Variants in GEMIN5 observed in about 807,000 individuals in gnomAD.
GEMIN5 encodes gem nuclear organelle associated protein 5, also known as gem-associated protein 5.
Under a neutral mutation model 176.9 loss-of-function variants are expected in GEMIN5, and 124 were observed. The observed-to-expected ratio is 0.70, with a 90% CI of 0.61 to 0.81. The LOEUF (loss-of-function observed/expected upper bound fraction) is 0.81. GEMIN5 is among the 40% of genes least tolerant of loss of function. The probability of loss-of-function intolerance (pLI) is 0.00; values close to 1 mark genes in which losing one functional copy is unlikely to be tolerated. For synonymous variants in GEMIN5, 673 were observed against 665.2 expected, an observed-to-expected ratio of 1.01 and a Z score of -0.18; for missense variants, 1,843 against 1,814.6, an observed-to-expected ratio of 1.02 and a Z score of -0.28.
chr5:154,936,014 T>A lies in GEMIN5; in HGVS notation c.336A>T (p.Ile112=), dbSNP rs1220871600. ...CTCGAGGAGACCAATGTAATGTTGATATCGTATGCTTTAAAACAAAACAAA... is the reference window on the plus strand; with the variant it reads ...CTCGAGGAGACCAATGTAATGTTGAAATCGTATGCTTTAAAACAAAACAAA... The part of the protein sequence containing the change: ...VTEHALHQHT[I]STLHWSPRVK... Residue 112 remains isoleucine (I), a synonymous_variant, in exon 3 of 28, where the codon ATA becomes ATT. Transcript: ENST00000285873. 4 of 1,585,584 alleles carry A rather than the reference T, an allele frequency of 2.5e-6. No homozygotes were observed. The East Asian group carries it at 8.9e-5, about 35-fold the overall frequency.
chr5:154,912,091 C>G (rs1479585936), intron 14 of GEMIN5, among the ~76,000 whole-genome samples, 193 bp from the exon 15 acceptor site: 1 of 152,170 alleles, frequency 6.6e-6, no homozygotes, highest in East Asian at 1.9e-4. Flanking sequence ...GACTTCTGTG[C>G]TTGGAGATGC....
chr5:154,902,996 G>A (rs760029306), intron 19 of GEMIN5, 84 bp downstream of exon 19: 2 of 903,526 alleles, frequency 2.2e-6, no homozygotes, highest in Non-Finnish European at 3.5e-6. Context: ...TAATATCACA[G>A]GATGACAGCC....
intron 9 of GEMIN5, among the ~76,000 whole-genome samples, chr5:154,921,637 T>A (rs1445679388): frequency 6.6e-6 from 1 of 152,178 alleles, no homozygotes; most frequent in African/African-American, 2.4e-5. Context: ...AAATATCAAA[T>A]AATGACATTT....
Position 154,891,358 on chromosome 5 carries a change from G to A in GEMIN5, c.4145C>T (p.Ala1382Val), listed in dbSNP as rs1467488205. ...RTVAEVQETLAEMIRQHQKSQ... is the reference protein window; with the variant it reads ...RTVAEVQETLVEMIRQHQKSQ... ...CTTTTGGTGTTGTCGGATCATTTCT[G>A]CCAAGGTCTCTTGGACTTCAGCAAC... The change falls in exon 26 of 28, where the codon GCA (alanine) becomes GTA (valine). Residue 1382 changes from alanine (A) to valine (V), a missense_variant. By Grantham distance (64) the Ala-to-Val change is moderately conservative. Coordinates refer to ENST00000285873, the MANE Select transcript of GEMIN5 (RefSeq NM_015465.5). The A allele has an allele frequency of 6.2e-7, 1 of 1,614,120 alleles. No individual in the cohort carries two copies. The highest frequency in any genetic ancestry group is 8.5e-7 in the Non-Finnish European group (1 of 1,180,016).
intron 12 of GEMIN5, 130 bp from the exon 13 acceptor site, chr5:154,917,309 G>A: frequency 2.3e-6 from 1 of 440,222 alleles, no homozygotes. Flanking sequence ...TTCTATCACT[G>A]CAAAGGTCAT....
chr5:154,908,004 TA>T (rs1373571428), intron 15 of GEMIN5, among the ~76,000 whole-genome samples, 186 bp from the exon 16 acceptor site: 1 of 152,064 alleles, frequency 6.6e-6, no homozygotes, highest in African/African-American at 2.4e-5. Flanking sequence ...CATTAAATCA[TA>T]AACATGATGC....
At chr5:154,889,893 C>T (rs1763188656) in intron 26 of GEMIN5, among the ~76,000 whole-genome samples, 2 of 152,300 alleles carry the variant, frequency 1.3e-5, no homozygotes, top group South Asian at 4.1e-4. Flanking sequence ...AGGTTGCTCC[C>T]GTGTTTTGGG....
chr5:154,928,578 G>C lies in GEMIN5; in HGVS notation c.863C>G (p.Thr288Arg), dbSNP rs146236849. The stretch of plus-strand genomic sequence containing the variant: ...TGGTTGATTGCTGGGCCAATGGAGT[G>C]TCAACCAAAGGCGCTCTTTAACAGT... ...DPTVKERLWL[T>R]LHWPSNQPTQ... The change falls in exon 6 of 28, where the codon ACA becomes AGA. Residue 288 changes from threonine to arginine, a missense_variant. Thr to Arg is a moderately conservative substitution (Grantham distance 71). Coordinates refer to ENST00000285873, the MANE Select transcript of GEMIN5 (RefSeq NM_015465.5). The C allele has an allele frequency of 6.2e-7, 1 of 1,613,874 alleles. No homozygotes were observed. The highest frequency in any genetic ancestry group is 8.5e-7 in the Non-Finnish European group (1 of 1,179,720).
Position 154,928,527 on chromosome 5 carries a change from C to T in GEMIN5, c.914G>A (p.Gly305Glu), listed in dbSNP as rs1764091773. 6.2e-7 allele frequency: 1 copy of T among 1,613,622 alleles called. No individual in the cohort carries two copies. The highest frequency in any genetic ancestry group is 1.3e-5 in the African/African-American group (1 of 74,884). ...QPTQLVSSCF[G>E]GELLQWDLTQ... ...GAAAGCATGACCAAAAAAGACTTAC[C>T]CAAAACAGCTAGATACCAGCTGTGT... is the stretch of plus-strand genomic sequence containing the variant. The change falls in exon 6 of 28, where the codon GGA becomes GAA. Residue 305 changes from glycine to glutamate, a missense_variant and splice_region_variant. Gly to Glu is a moderately conservative substitution (Grantham distance 98). Coordinates refer to ENST00000285873, the MANE Select transcript of GEMIN5 (RefSeq NM_015465.5).
chr5:154,937,505 A>G (rs1764294366), intron 1 of GEMIN5, among the ~76,000 whole-genome samples: 1 of 152,230 alleles, frequency 6.6e-6, no homozygotes, highest in South Asian at 2.1e-4. Context: ...AGAATAAATC[A>G]CCTGGCATGT....
intron 26 of GEMIN5, among the ~76,000 whole-genome samples, chr5:154,889,980 C>T (rs1763190346): frequency 6.6e-6 from 1 of 152,152 alleles, no homozygotes; most frequent in Non-Finnish European, 1.5e-5. Context: ...GGGTGTATAC[C>T]CAGATGTGGA....
In GEMIN5 at chr5:154,919,985, C is replaced by T. The variant is rs1763890205; in HGVS notation, c.1581G>A (p.Arg527=). The T allele has an allele frequency of 1.2e-6, 2 of 1,613,120 alleles. No homozygotes were observed. Among genetic ancestry groups the T allele is most frequent in the Non-Finnish European group, 1.7e-6 (2 of 1,179,630 alleles). ...GEAFDINKLI[R]DTNSIKYKLP... Reference sequence around the variant, plus strand: ...AACTCACTTTGATTGAATTGGTGTCCCTGATGAGTTTGTTGATGTCAAAGG... The same window carrying T: ...AACTCACTTTGATTGAATTGGTGTCTCTGATGAGTTTGTTGATGTCAAAGG... Residue 527 remains arginine, a synonymous_variant, in exon 11 of 28, where the codon AGG becomes AGA. Coordinates refer to ENST00000285873, the MANE Select transcript of GEMIN5 (RefSeq NM_015465.5).
Position 154,911,854 on chromosome 5 carries a change from T to C in GEMIN5, c.2040A>G (p.Gly680=), listed in dbSNP as rs141972048. ...CCACACAAAGCAGTCGACCTCGATG[T>C]CCTCGGAAATTGCACAGGGGCTCTT... ...LREEPLCNFR[G]HRGRLLCVAW... Residue 680 remains glycine, a synonymous_variant, in exon 15 of 28, where the codon GGA becomes GGG. Coordinates refer to ENST00000285873, the MANE Select transcript of GEMIN5 (RefSeq NM_015465.5). 7.1e-4 allele frequency: 1,146 copies of C among 1,614,110 alleles called. 15 individuals are homozygous for C. In the East Asian group the frequency reaches 0.02, roughly 28 times the overall value.
In GEMIN5 at chr5:154,914,502, T is replaced by G. The variant is rs867289917; in HGVS notation, c.1856-1464A>C. ...CTAGAATATGGGTGGCTGATTACAC[T>G]ATTTTACTTTTTTTTTTTTTTTTTT... On this transcript the variant is annotated intron_variant, in intron 13 of 27. Coordinates refer to ENST00000285873, the MANE Select transcript of GEMIN5 (RefSeq NM_015465.5). Among the ~76,000 whole-genome samples, 20 of 128,346 alleles carry G rather than the reference T, an allele frequency of 1.6e-4. No individual in the cohort carries two copies. The South Asian group carries it at 4.7e-3, about 30-fold the overall frequency. The allele number at this position is 128,346 out of a possible 152,430, so 84.2% of individuals were successfully genotyped here. A position where few individuals can be genotyped will look rare whatever the true frequency, so the allele number is the denominator to read the frequency against.
intron 7 of GEMIN5, among the ~76,000 whole-genome samples, chr5:154,926,637 C>T (rs1764042878): frequency 6.6e-6 from 1 of 152,208 alleles, no homozygotes; most frequent in Non-Finnish European, 1.5e-5. Context: ...TATTCTGCTA[C>T]ATACACTACA....
intron 13 of GEMIN5, 121 bp from the exon 14 acceptor site, chr5:154,913,159 ATT>A: frequency 1.5e-5 from 11 of 757,938 alleles, no homozygotes; most frequent in South Asian, 6.7e-5. Flanking sequence ...TTTCTAGGTT[ATT>A]TTTTTTTTGA....
At chr5:154,925,312 T>C (rs1016706446) in intron 8 of GEMIN5, among the ~76,000 whole-genome samples, 2 of 152,076 alleles carry the variant, frequency 1.3e-5, no homozygotes, top group African/African-American at 4.8e-5. Flanking sequence ...GAGTGGAGGG[T>C]AGGGTAGGAA....
intron 27 of GEMIN5, 85 bp from the exon 28 acceptor site, chr5:154,888,462 G>T: frequency 8.7e-7 from 1 of 1,149,468 alleles, no homozygotes; most frequent in Non-Finnish European, 1.3e-6. Context: ...AGTCACTCAG[G>T]TTCATCTATA....
rs1422705046 is a variant in GEMIN5 at position 154,917,102 on chromosome 5, A to G, written c.1751T>C (p.Ile584Thr). ...IQQHHKLVNT[I>T]SWHHEHGSQP... ...GCTGCCATGCTCATGATGCCAGCTA[A>G]TGGTATTCACAAGCTTGTGATGCTG... Residue 584 changes from isoleucine (I) to threonine (T), a missense_variant, in exon 13 of 28, where the codon ATT (isoleucine) becomes ACT (threonine). Transcript: ENST00000285873. 1 of 1,607,672 alleles carries G rather than the reference A, an allele frequency of 6.2e-7. No individual in the cohort carries two copies. Among genetic ancestry groups the G allele is most frequent in the African/African-American group, 1.3e-5 (1 of 74,828 alleles).
Sources: allele counts gnomAD v4.1 joint callset (sites outside exome capture counted in the v4.1 genomes callset), GRCh38; gene constraint gnomAD v4.1.1; transcripts MANE v1.5; gene names NCBI Gene and HGNC (gene_info 2026-07-23, HGNC 2026-07-21).